ZNF469: variants seen among roughly 807,000 people sequenced by gnomAD.
The protein encoded by ZNF469 is zinc finger protein 469.
A neutral mutation model predicts 1.0 loss-of-function variants in ZNF469; 1 was observed. The observed-to-expected ratio is 1.00, with a 90% CI of 0.35 to 4.73. The LOEUF is 4.73. ZNF469 is among the 30% of genes most tolerant of loss of function. ZNF469 has a pLI of 0.16. For missense variants in ZNF469, 6,100 were observed against 5,356.3 expected, an observed-to-expected ratio of 1.14 and a Z score of -4.33; for synonymous variants, 2,703 against 2,363.4, an observed-to-expected ratio of 1.14 and a Z score of -4.17.
At chr16:88,397,105 C>T (rs1421110878) in intron 1 of ZNF469, among the ~76,000 whole-genome samples, 1 of 152,170 alleles carries the variant, frequency 6.6e-6, no homozygotes, top group Non-Finnish European at 1.5e-5. Context: ...TGCAGGGAGG[C>T]CAGGCAAAGA....
At chr16:88,368,656 G>T in the ZNF469 span, among the ~76,000 whole-genome samples, 3 of 152,038 alleles carry the variant, frequency 2.0e-5, no homozygotes, top group South Asian at 6.2e-4. Context: ...AGCCTGGAGA[G>T]AGAGTGGCCT....
intron 1 of ZNF469, among the ~76,000 whole-genome samples, chr16:88,399,945 C>T (rs949806028): frequency 4.6e-5 from 7 of 152,242 alleles, no homozygotes; most frequent in African/African-American, 1.7e-4. Flanking sequence ...ACCAGGAGCT[C>T]TGGGATCCCA....
chr16:88,239,131 A>T, the ZNF469 span, among the ~76,000 whole-genome samples: 1 of 151,686 alleles, frequency 6.6e-6, no homozygotes, highest in African/African-American at 2.4e-5. Context: ...TAGATTAGAC[A>T]TGTCTGCCAT....
chr16:88,333,722 A>C, the ZNF469 span, among the ~76,000 whole-genome samples: 8 of 151,960 alleles, frequency 5.3e-5, no homozygotes, highest in African/African-American at 1.9e-4. Context: ...CTTCCCACGG[A>C]TGCGGGCCCG....
chr16:88,293,729 A>C, the ZNF469 span, among the ~76,000 whole-genome samples: 3 of 152,270 alleles, frequency 2.0e-5, no homozygotes, highest in East Asian at 5.8e-4. Flanking sequence ...GTGATCCTAT[A>C]GGGAGACCAG....
the ZNF469 span, among the ~76,000 whole-genome samples, chr16:88,214,082 C>G: frequency 6.6e-6 from 1 of 152,294 alleles, no homozygotes; most frequent in South Asian, 2.1e-4. Context: ...AGTCACAACC[C>G]CTGTCCTCTC....
chr16:88,437,074 G>C lies in ZNF469; in HGVS notation c.9604G>C (p.Ala3202Pro), dbSNP rs767316063. 1.8e-5 allele frequency: 27 copies of C among 1,541,690 alleles called. No homozygotes were observed. Among genetic ancestry groups the C allele is most frequent in the Middle Eastern group, 3.3e-4 (2 of 6,000 alleles). The change falls in exon 3 of 3, where the codon GCC becomes CCC. Residue 3202 changes from alanine (A) to proline (P), a missense_variant. By Grantham distance (27) the Ala-to-Pro change is conservative. Coordinates refer to ENST00000565624, the MANE Select transcript of ZNF469 (RefSeq NM_001367624.2). ...EHLREHAVRFARRGQARRSLG... is the reference protein window; with the variant it reads ...EHLREHAVRFPRRGQARRSLG... ...CCTGCGTGAGCACGCGGTCCGCTTC[G>C]CCCGCAGGGGGCAGGCGCGGAGGTC...
the ZNF469 span, among the ~76,000 whole-genome samples, chr16:88,373,735 G>A: frequency 2.9e-4 from 44 of 152,170 alleles, no homozygotes; most frequent in African/African-American, 9.2e-4. Flanking sequence ...GGTGGCTCAC[G>A]CCTATAATCC....
chr16:88,390,395 G>T (rs1204205715), intron 1 of ZNF469, among the ~76,000 whole-genome samples: 1 of 152,182 alleles, frequency 6.6e-6, no homozygotes, highest in African/African-American at 2.4e-5. Context: ...GAGGGGTTGG[G>T]GGAGGCAGGC....
At chr16:88,187,052 G>A in the ZNF469 span, among the ~76,000 whole-genome samples, 78 of 152,314 alleles carry the variant, frequency 5.1e-4, no homozygotes, top group Non-Finnish European at 1.0e-3. Flanking sequence ...AGGCCCCGGG[G>A]TATGAAGACG....
At chr16:88,290,350 G>T in the ZNF469 span, among the ~76,000 whole-genome samples, 1,017 of 152,286 alleles carry the variant, frequency 6.7e-3, 12 homozygotes, top group African/African-American at 0.023. Flanking sequence ...GAAAAAGGGA[G>T]GTTTTTGGCA....
the ZNF469 span, among the ~76,000 whole-genome samples, chr16:88,148,602 C>T: frequency 6.6e-6 from 1 of 152,182 alleles, no homozygotes; most frequent in African/African-American, 2.4e-5. Flanking sequence ...TCCCTGAGCT[C>T]CCAGGTCACT....
chr16:88,116,471 G>A, the ZNF469 span, among the ~76,000 whole-genome samples: 6 of 152,160 alleles, frequency 3.9e-5, no homozygotes, highest in African/African-American at 1.4e-4. Flanking sequence ...GTAAACACCC[G>A]ACTAATGTAC....
the ZNF469 span, among the ~76,000 whole-genome samples, chr16:88,102,864 G>T: frequency 6.6e-6 from 1 of 152,276 alleles, no homozygotes. Flanking sequence ...CCTCGTGTCT[G>T]TGCAGCCTCT....
the ZNF469 span, chr16:88,178,956 G>A: frequency 6.9e-6 from 1 of 145,740 alleles, no homozygotes; most frequent in African/African-American, 2.5e-5. Context: ...AGAGCCACTG[G>A]GTCAGAGCAC....
chr16:88,348,733 A>T, the ZNF469 span, among the ~76,000 whole-genome samples: 1 of 152,100 alleles, frequency 6.6e-6, no homozygotes, highest in Non-Finnish European at 1.5e-5. Flanking sequence ...GGATCCGGGG[A>T]GCCTGCCTCA....
the ZNF469 span, chr16:88,177,535 C>A: frequency 1.6e-4 from 24 of 152,196 alleles, no homozygotes; most frequent in Admixed American, 1.3e-3. The surrounding 1 kb of genome is among the most constrained non-coding windows in gnomAD (Gnocchi z 4.8). Context: ...CAAGGCACTT[C>A]CCATCTCAGA....
chr16:88,399,182 G>T (rs1424995705), intron 1 of ZNF469, among the ~76,000 whole-genome samples: 2 of 152,226 alleles, frequency 1.3e-5, no homozygotes, highest in South Asian at 2.1e-4. Flanking sequence ...AAGAGGCTCT[G>T]TGTGTTTGCC....
rs767431034 is a variant in ZNF469, at chr16:88,430,122, C to A, written c.2652C>A (p.Pro884=). The A allele has an allele frequency of 8.4e-6, 13 of 1,550,264 alleles. No homozygotes were observed. Among genetic ancestry groups the A allele is most frequent in the Non-Finnish European group, 1.0e-5 (12 of 1,146,936 alleles). The part of the protein sequence containing the change: ...SGPRGPSSGH[P]LKSKAGVTPE... ...CCAGAGGTCCCAGCTCCGGACACCC[C>A]CTTAAGAGCAAGGCGGGGGTGACTC... Residue 884 remains proline, a synonymous_variant, in exon 3 of 3, where the codon CCC becomes CCA. Transcript: ENST00000565624.
Sources: allele counts gnomAD v4.1 joint callset (sites outside exome capture counted in the v4.1 genomes callset), GRCh38; gene constraint gnomAD v4.1.1; non-coding constraint Gnocchi (gnomAD v3.1); transcripts MANE v1.5; gene names NCBI Gene and HGNC (gene_info 2026-07-23, HGNC 2026-07-21).